The following EYS variants were observed in gnomAD, a reference collection of about 807,000 sequenced individuals.
EYS encodes EGF-like photoreceptor maintenance factor, also known as protein eyes shut homolog.
A neutral mutation model predicts 282.1 loss-of-function variants in EYS; 250 were observed. The ratio of observed to expected loss-of-function variants is 0.89; its 90% CI spans 0.80 to 0.98. EYS has a LOEUF of 0.98. Among genes scored for constraint, EYS ranks in the 50% least tolerant of loss-of-function variants. The pLI, the probability that EYS is intolerant of heterozygous loss-of-function variation, is 0.00. For synonymous variants in EYS, 1,355 were observed against 1,282.9 expected, an observed-to-expected ratio of 1.06 and a Z score of -1.20; for missense variants, 4,016 against 3,709.0, an observed-to-expected ratio of 1.08 and a Z score of -2.15.
At chr6:64,858,612 A>T (rs1017297611) in intron 19 of EYS, among the ~76,000 whole-genome samples, 2 of 152,120 alleles carry the variant, frequency 1.3e-5, no homozygotes, top group Middle Eastern at 3.4e-3. Context: ...ATTTAAGATA[A>T]TTTTTTTATT....
chr6:65,065,416 T>A (rs1210813145), intron 12 of EYS, among the ~76,000 whole-genome samples: 1 of 150,526 alleles, frequency 6.6e-6, no homozygotes, highest in Non-Finnish European at 1.5e-5. Context: ...GGAGTATCGC[T>A]CTGTCTCCCA....
chr6:64,415,516 T>G (rs772446468), intron 28 of EYS, among the ~76,000 whole-genome samples: 10 of 152,194 alleles, frequency 6.6e-5, no homozygotes, highest in Non-Finnish European at 1.2e-4. Flanking sequence ...GGTGAGAACA[T>G]CAAGCATGCT....
At chr6:64,863,244 G>A (rs1180073984) in intron 19 of EYS, among the ~76,000 whole-genome samples, 1 of 152,042 alleles carries the variant, frequency 6.6e-6, no homozygotes, top group African/African-American at 2.4e-5. Context: ...GTTTTAGAAA[G>A]CATATTATAT....
intron 5 of EYS, among the ~76,000 whole-genome samples, chr6:65,484,017 A>G (rs1306238168): frequency 1.3e-5 from 2 of 152,006 alleles, no homozygotes; most frequent in African/African-American, 4.8e-5. Context: ...TCAAGATGAG[A>G]TTTGGGTGGG....
chr6:65,314,600 G>A (rs1769251255), intron 11 of EYS, among the ~76,000 whole-genome samples: 1 of 142,674 alleles, frequency 7.0e-6, no homozygotes, highest in Non-Finnish European at 1.5e-5. Flanking sequence ...GTGTGTGTGT[G>A]TGTGTGTGTT....
At chr6:64,572,302 A>G (rs564765478) in intron 26 of EYS, among the ~76,000 whole-genome samples, 2 of 152,302 alleles carry the variant, frequency 1.3e-5, no homozygotes, top group African/African-American at 4.8e-5. Flanking sequence ...ATTTATGACA[A>G]ACCCACAGCC....
At chr6:65,572,491 T>A (rs1347672810) in intron 2 of EYS, among the ~76,000 whole-genome samples, 6 of 152,030 alleles carry the variant, frequency 3.9e-5, no homozygotes, top group Non-Finnish European at 8.8e-5. Flanking sequence ...ACATGAAAAA[T>A]CGATGTGGGG....
intron 19 of EYS, among the ~76,000 whole-genome samples, chr6:64,842,075 G>A (rs1014935654): frequency 6.6e-6 from 1 of 151,986 alleles, no homozygotes; most frequent in African/African-American, 2.4e-5. Flanking sequence ...AATATCATCA[G>A]TGTTTGCACT....
chr6:64,204,801 T>C (rs1223159432), intron 31 of EYS, among the ~76,000 whole-genome samples: 1 of 152,182 alleles, frequency 6.6e-6, no homozygotes, highest in Non-Finnish European at 1.5e-5. Context: ...ATTCATCTAA[T>C]GGTACATCAA....
chr6:64,240,682 T>A (rs1213149158), intron 30 of EYS, among the ~76,000 whole-genome samples: 1 of 152,182 alleles, frequency 6.6e-6, no homozygotes, highest in East Asian at 1.9e-4. Context: ...AAATATACAA[T>A]CACGTCATCT....
At chr6:64,467,521 T>C (rs779044539) in intron 26 of EYS, among the ~76,000 whole-genome samples, 33 of 152,250 alleles carry the variant, frequency 2.2e-4, no homozygotes, top group Admixed American at 5.9e-4. Flanking sequence ...AAAAGAAGAA[T>C]TAGGGCCTGG....
intron 2 of EYS, among the ~76,000 whole-genome samples, chr6:65,584,971 T>G (rs1424941084): frequency 6.6e-6 from 1 of 151,404 alleles, no homozygotes; most frequent in Non-Finnish European, 1.5e-5. Flanking sequence ...AAAAGTACAA[T>G]TTTGTTCAAA....
chr6:64,353,395 C>A (rs992908801), intron 29 of EYS, among the ~76,000 whole-genome samples: 14 of 151,410 alleles, frequency 9.2e-5, no homozygotes, highest in African/African-American at 3.1e-4. Context: ...CCATCATTAC[C>A]TGTGCATCTT....
intron 14 of EYS, among the ~76,000 whole-genome samples, chr6:64,952,933 G>T (rs1158095682): frequency 6.6e-6 from 1 of 151,798 alleles, no homozygotes; most frequent in Non-Finnish European, 1.5e-5. Context: ...GACTGAATAG[G>T]TGCTAGAGAT....
intron 26 of EYS, among the ~76,000 whole-genome samples, chr6:64,536,102 T>C (rs542050580): frequency 6.6e-6 from 1 of 152,114 alleles, no homozygotes; most frequent in Non-Finnish European, 1.5e-5. Flanking sequence ...CATCTATTTT[T>C]ATATAAATAT....
intron 2 of EYS, among the ~76,000 whole-genome samples, chr6:65,568,111 CA>C (rs1764342108): frequency 6.6e-6 from 1 of 152,022 alleles, no homozygotes; most frequent in African/African-American, 2.4e-5. Context: ...AACCCTTTTA[CA>C]ATTATGATGA....
intron 5 of EYS, among the ~76,000 whole-genome samples, chr6:65,472,405 C>T (rs1765248501): frequency 2.0e-5 from 3 of 152,002 alleles, no homozygotes. Context: ...TCAATATCTA[C>T]ACTAAAATGT....
At chr6:65,014,646 GGAA>G (rs557409459) in intron 13 of EYS, among the ~76,000 whole-genome samples, 2 of 152,202 alleles carry the variant, frequency 1.3e-5, no homozygotes, top group South Asian at 4.1e-4. Context: ...CAAAATACAG[GGAA>G]GAAGGAGATG....
At chr6:63,853,349 A>G (rs879613076) in intron 36 of EYS, among the ~76,000 whole-genome samples, 1 of 152,216 alleles carries the variant, frequency 6.6e-6, no homozygotes, top group Admixed American at 6.5e-5. Context: ...ATAGACACAC[A>G]TAGAGCCAAA....
Sources: allele counts gnomAD v4.1 joint callset (sites outside exome capture counted in the v4.1 genomes callset), GRCh38; gene constraint gnomAD v4.1.1; transcripts MANE v1.5; gene names NCBI Gene and HGNC (gene_info 2026-07-23, HGNC 2026-07-21).